The following SNW1 variants were observed in gnomAD, a reference collection of about 807,000 sequenced individuals.
SNW1 encodes the protein SNW domain-containing protein 1.
In SNW1, 9 loss-of-function variants were observed where a neutral mutation model predicts 75.6. That is an observed-to-expected ratio of 0.12 (90% CI 0.07 to 0.21). SNW1 has a LOEUF of 0.21. Among genes scored for constraint, SNW1 ranks in the 10% least tolerant of loss-of-function variants. The pLI is 1.00. For missense variants in SNW1, 409 were observed against 670.9 expected, an observed-to-expected ratio of 0.61 and a Z score of 4.31; for synonymous variants, 200 against 219.1, an observed-to-expected ratio of 0.91 and a Z score of 0.77.
At chr14:77,732,288 T>C (rs1257881433) in intron 9 of SNW1, among the ~76,000 whole-genome samples, 197 bp downstream of exon 9, 1 of 152,188 alleles carries the variant, frequency 6.6e-6, no homozygotes, top group Non-Finnish European at 1.5e-5. Context: ...ATCACCACTG[T>C]GGGGTGTATG....
At position 77,717,930 on chromosome 14, in the gene SNW1, AT is replaced by A. The variant is rs2080502226; in HGVS notation, c.*157del. On this transcript the variant is annotated 3_prime_UTR_variant, in exon 14 of 14. Coordinates refer to ENST00000261531, the MANE Select transcript of SNW1 (RefSeq NM_012245.3). ...AAAAAACTAAATAATTCAAAGTAGA[AT>A]TTTCTATCCCCCCCATTTCTCCAGT... 1.5e-6 allele frequency: 1 copy of A among 654,406 alleles called. No individual in the cohort carries two copies. Among genetic ancestry groups the A allele is most frequent in the African/African-American group, 1.8e-5 (1 of 55,028 alleles). The allele number at this position is 654,406 out of a possible 1,614,324, so 40.5% of individuals were successfully genotyped here.
rs1317166058 is a variant in SNW1, at chr14:77,718,549, C to G, written c.1249-19G>C. On this transcript the variant is annotated intron_variant, in intron 12 of 13. Coordinates refer to ENST00000261531, the MANE Select transcript of SNW1 (RefSeq NM_012245.3). ...CCATACCCTGTGGAAAAATGGATGA[C>G]ATTAAATAAAAGTGTAAACATTGTT... The G allele has an allele frequency of 6.7e-7, 1 of 1,485,702 alleles. No individual in the cohort carries two copies. The highest frequency in any genetic ancestry group is 9.2e-7 in the Non-Finnish European group (1 of 1,081,350). 92.0% of individuals were successfully genotyped at this position (1,485,702 alleles called of 1,614,324 possible).
chr14:77,721,497 AGCCACTTTACTCGTTTT>A (rs1245486777), intron 11 of SNW1, among the ~76,000 whole-genome samples: 7 of 152,326 alleles, frequency 4.6e-5, no homozygotes, highest in African/African-American at 1.4e-4. Context: ...CAATTCTGAT[AGCCACTTTACTCGTTTT>A]GAGGGCCCAA....
rs2080736758 is a variant in SNW1, at chr14:77,743,740, A to T, written c.331-4679T>A. Among the ~76,000 whole-genome samples the T allele has an allele frequency of 2.6e-5, 4 of 152,184 alleles. No homozygotes were observed. The South Asian group carries it at 8.3e-4, about 31-fold the overall frequency. ...GTAAATGTGTGAGGTGTTTCTAGTTAAGACAATGGGGGTAGGATGGGGACG... is the reference window on the plus strand; with the variant it reads ...GTAAATGTGTGAGGTGTTTCTAGTTTAGACAATGGGGGTAGGATGGGGACG... On this transcript the variant is annotated intron_variant, in intron 3 of 13. Transcript: ENST00000261531.
At chr14:77,757,145 T>C (rs2080847319) in intron 1 of SNW1, among the ~76,000 whole-genome samples, 1 of 152,172 alleles carries the variant, frequency 6.6e-6, no homozygotes, top group Non-Finnish European at 1.5e-5. Context: ...TTCAAAAATA[T>C]TTATTATTTG....
chr14:77,720,634 A>G (rs1281953033), intron 12 of SNW1, 77 bp downstream of exon 12: 3 of 943,802 alleles, frequency 3.2e-6, no homozygotes, highest in Admixed American at 1.7e-5. Flanking sequence ...ATCCAAATGT[A>G]AAGTATGTTA....
chr14:77,734,663 G>A (rs538245697), intron 8 of SNW1, among the ~76,000 whole-genome samples: 2 of 152,274 alleles, frequency 1.3e-5, no homozygotes, highest in East Asian at 3.9e-4. Flanking sequence ...GCTTCAACCT[G>A]GGAGGTGGAG....
At chr14:77,718,935 C>G (rs901910936) in intron 12 of SNW1, among the ~76,000 whole-genome samples, 1 of 152,068 alleles carries the variant, frequency 6.6e-6, no homozygotes, top group Non-Finnish European at 1.5e-5. Flanking sequence ...GGTCCTGAAC[C>G]CCTGACCTCA....
chr14:77,758,315 CAAAAAAA>C (rs55707854), intron 1 of SNW1, among the ~76,000 whole-genome samples: 45 of 85,826 alleles, frequency 5.2e-4, no homozygotes, highest in African/African-American at 2.2e-3. Flanking sequence ...GACTCTGCCA[CAAAAAAA>C]AAAAAAAAAA....
chr14:77,747,221 C>T (rs1485233159), intron 3 of SNW1, among the ~76,000 whole-genome samples: 1 of 152,162 alleles, frequency 6.6e-6, no homozygotes, highest in African/African-American at 2.4e-5. Context: ...ACTCAGTGCT[C>T]AATGTTGCCC....
chr14:77,753,575 G>T (rs1380997869), intron 2 of SNW1, among the ~76,000 whole-genome samples: 2 of 152,094 alleles, frequency 1.3e-5, no homozygotes, highest in Non-Finnish European at 2.9e-5. Flanking sequence ...TGACAAAAAA[G>T]CAACAAAAAG....
rs972160662 is a variant in SNW1 at position 77,717,837 on chromosome 14, G to A, written c.*251C>T. 3 of 563,332 alleles carry A rather than the reference G, an allele frequency of 5.3e-6. No individual in the cohort carries two copies. Among genetic ancestry groups the A allele is most frequent in the Non-Finnish European group, 6.2e-6 (2 of 321,396 alleles). 34.9% of individuals were successfully genotyped at this position (563,332 alleles called of 1,614,324 possible). A position where few individuals can be genotyped will look rare whatever the true frequency, so the allele number is the denominator to read the frequency against. On this transcript the variant is annotated 3_prime_UTR_variant, in exon 14 of 14. Transcript: ENST00000261531. ...CATAAAAGTAAGTGGTCTTGACTTT[G>A]TATGTGGGGCAGCATGTTCTATAAA...
chr14:77,732,276 G>A (rs888001814), intron 9 of SNW1, among the ~76,000 whole-genome samples: 2 of 152,184 alleles, frequency 1.3e-5, no homozygotes, highest in Non-Finnish European at 1.5e-5. Context: ...TGAGGGAGCC[G>A]GATCACCACT....
chr14:77,724,943 C>A (rs2080572843), intron 10 of SNW1, among the ~76,000 whole-genome samples: 1 of 152,204 alleles, frequency 6.6e-6, no homozygotes, highest in Non-Finnish European at 1.5e-5. Flanking sequence ...TCCATAGTGG[C>A]TGTACTAATT....
At chr14:77,735,115 A>G (rs1391835865) in intron 7 of SNW1, 103 bp from the exon 8 acceptor site, 3 of 731,448 alleles carry the variant, frequency 4.1e-6, no homozygotes, top group Non-Finnish European at 7.0e-6. Flanking sequence ...ACACTGACAT[A>G]TGCACAGCCG....
intron 11 of SNW1, 117 bp downstream of exon 11, chr14:77,723,064 G>C (rs1285142355): frequency 1.3e-6 from 1 of 767,236 alleles, no homozygotes; most frequent in Non-Finnish European, 2.3e-6. Context: ...AGCCAGGATG[G>C]TCTCGATCTC....
chr14:77,760,562 T>C, intron 1 of SNW1: 2 of 668,570 alleles, frequency 3.0e-6, no homozygotes, highest in Non-Finnish European at 5.4e-6. Flanking sequence ...GCTCCAAAGT[T>C]AAAATGCGGA....
intron 3 of SNW1, among the ~76,000 whole-genome samples, chr14:77,741,158 A>G (rs1318999810): frequency 6.6e-6 from 1 of 151,092 alleles, no homozygotes; most frequent in Non-Finnish European, 1.5e-5. Context: ...GAGATATTTG[A>G]TCAATATTTT....
At chr14:77,737,336 C>T (rs1163468770) in intron 5 of SNW1, among the ~76,000 whole-genome samples, 1 of 151,788 alleles carries the variant, frequency 6.6e-6, no homozygotes, top group African/African-American at 2.4e-5. Context: ...TGGAAGGTGC[C>T]GTGTTCAGTT....
Sources: gnomAD v4.1 joint callset for allele counts (sites outside exome capture counted in the v4.1 genomes callset) on GRCh38, gnomAD v4.1.1 for gene constraint, MANE v1.5 for transcripts, NCBI Gene and HGNC (gene_info 2026-07-23, HGNC 2026-07-21) for gene names.